The following RIMS1 variants were observed in gnomAD, a reference collection of about 807,000 sequenced individuals.
RIMS1 encodes the protein regulating synaptic membrane exocytosis 1.
RIMS1 carries 83 observed loss-of-function variants against 214.1 expected under a neutral mutation model. The ratio of observed to expected loss-of-function variants is 0.39; its 90% CI spans 0.32 to 0.47. The LOEUF is 0.47. Ranked by LOEUF, RIMS1 falls within the 20% of genes least tolerant of loss-of-function variation. The pLI, the probability that RIMS1 is intolerant of heterozygous loss-of-function variation, is 0.99. For synonymous variants in RIMS1, 793 were observed against 786.8 expected, an observed-to-expected ratio of 1.01 and a Z score of -0.13; for missense variants, 2,050 against 2,161.8, an observed-to-expected ratio of 0.95 and a Z score of 1.03.
At chr6:72,308,267 T>C (rs1224133782) in intron 27 of RIMS1, among the ~76,000 whole-genome samples, 2 of 152,100 alleles carry the variant, frequency 1.3e-5, no homozygotes, top group Non-Finnish European at 2.9e-5. Context: ...TGCTAATATC[T>C]GATAATTTTA....
At chr6:72,067,765 A>G (rs775615383) in intron 2 of RIMS1, among the ~76,000 whole-genome samples, 1 of 152,242 alleles carries the variant, frequency 6.6e-6, no homozygotes, top group Admixed American at 6.5e-5. Context: ...ATCACTTAAC[A>G]TATATTGCCT....
intron 6 of RIMS1, among the ~76,000 whole-genome samples, chr6:72,190,075 C>G (rs1399257389): frequency 6.6e-6 from 1 of 152,176 alleles, no homozygotes; most frequent in Non-Finnish European, 1.5e-5. Flanking sequence ...GGCCATTTCT[C>G]CTTCATGCAA....
intron 6 of RIMS1, among the ~76,000 whole-genome samples, chr6:72,186,059 C>G (rs1483150124): frequency 6.6e-6 from 1 of 152,216 alleles, no homozygotes. Context: ...ATATAACATA[C>G]AACATTTGTG....
intron 2 of RIMS1, among the ~76,000 whole-genome samples, chr6:72,054,381 A>G (rs1825573542): frequency 6.6e-6 from 1 of 152,152 alleles, no homozygotes; most frequent in Non-Finnish European, 1.5e-5. Context: ...GTGCTGCAAT[A>G]AACATATGTG....
intron 2 of RIMS1, among the ~76,000 whole-genome samples, chr6:72,043,030 C>T (rs1204140347): frequency 2.6e-5 from 4 of 151,700 alleles, no homozygotes; most frequent in East Asian, 1.9e-4. Context: ...AAAATGAATT[C>T]CAACTTCTAC....
intron 24 of RIMS1, among the ~76,000 whole-genome samples, 198 bp downstream of exon 24, chr6:72,284,316 A>G (rs983906432): frequency 3.9e-5 from 6 of 152,220 alleles, no homozygotes; most frequent in African/African-American, 1.4e-4. Flanking sequence ...CGGTTCTTAA[A>G]TCTTAGGGTT....
intron 2 of RIMS1, among the ~76,000 whole-genome samples, chr6:71,999,904 G>A (rs187689232): frequency 6.6e-6 from 1 of 152,140 alleles, no homozygotes; most frequent in Admixed American, 6.6e-5. Context: ...TCATTGTACT[G>A]TTCTGAAGAA....
chr6:72,029,204 T>G (rs1302237586), intron 2 of RIMS1, among the ~76,000 whole-genome samples: 2 of 152,172 alleles, frequency 1.3e-5, no homozygotes, highest in African/African-American at 2.4e-5. Context: ...ATAAAACTAT[T>G]GAGGTTTTTG....
At chr6:72,011,736 C>T (rs1408947635) in intron 2 of RIMS1, among the ~76,000 whole-genome samples, 1 of 152,136 alleles carries the variant, frequency 6.6e-6, no homozygotes, top group Non-Finnish European at 1.5e-5. Context: ...AAAATGCTCA[C>T]CATCACTGAC....
intron 1 of RIMS1, among the ~76,000 whole-genome samples, chr6:71,933,519 C>A (rs977994602): frequency 6.6e-6 from 1 of 152,120 alleles, no homozygotes; most frequent in Admixed American, 6.5e-5. Flanking sequence ...ATTTGACCAT[C>A]TGCATTACAC....
chr6:72,134,469 G>C (rs2040947761), intron 4 of RIMS1, among the ~76,000 whole-genome samples: 1 of 151,862 alleles, frequency 6.6e-6, no homozygotes, highest in African/African-American at 2.4e-5. Flanking sequence ...TTACTGTTCA[G>C]GAAAATAACA....
intron 1 of RIMS1, among the ~76,000 whole-genome samples, chr6:71,930,002 A>T (rs565342839): frequency 6.6e-4 from 101 of 152,248 alleles, no homozygotes; most frequent in Non-Finnish European, 1.2e-3. Context: ...GATGACAAGT[A>T]TTGCCAGATT....
intron 2 of RIMS1, among the ~76,000 whole-genome samples, chr6:72,065,073 T>C (rs976315857): frequency 1.3e-5 from 2 of 152,224 alleles, no homozygotes; most frequent in Non-Finnish European, 2.9e-5. Context: ...TATGGTGATA[T>C]GATTAGTTAT....
intron 29 of RIMS1, among the ~76,000 whole-genome samples, chr6:72,346,807 G>A (rs1485806721): frequency 6.6e-6 from 1 of 151,734 alleles, no homozygotes; most frequent in Non-Finnish European, 1.5e-5. Flanking sequence ...TTGAAATACA[G>A]CCATCTTCAT....
intron 22 of RIMS1, among the ~76,000 whole-genome samples, chr6:72,270,045 T>G (rs559332775): frequency 2.6e-5 from 4 of 152,274 alleles, no homozygotes; most frequent in Admixed American, 2.6e-4. Context: ...TTAAAATACA[T>G]TGTATTTTAT....
intron 1 of RIMS1, among the ~76,000 whole-genome samples, chr6:71,906,495 G>A (rs1301947877): frequency 6.6e-6 from 1 of 152,110 alleles, no homozygotes; most frequent in Non-Finnish European, 1.5e-5. Flanking sequence ...AGGTTACACA[G>A]CACAAGTAGT....
intron 29 of RIMS1, among the ~76,000 whole-genome samples, chr6:72,377,588 G>A (rs1346220572): frequency 6.6e-6 from 1 of 152,112 alleles, no homozygotes; most frequent in Admixed American, 6.5e-5. Flanking sequence ...CCCAAGCAGA[G>A]GTTTGAAGGC....
intron 2 of RIMS1, among the ~76,000 whole-genome samples, chr6:72,010,417 C>A (rs1229927232): frequency 1.3e-5 from 2 of 152,244 alleles, no homozygotes; most frequent in East Asian, 3.9e-4. Flanking sequence ...TGAAAACTGG[C>A]ACAAGACAGG....
intron 2 of RIMS1, among the ~76,000 whole-genome samples, chr6:72,048,180 T>C (rs1823600798): frequency 6.6e-6 from 1 of 152,172 alleles, no homozygotes; most frequent in Non-Finnish European, 1.5e-5. Flanking sequence ...AATCTTCATG[T>C]GGCAAATATA....
Sources: gnomAD v4.1 joint callset for allele counts (sites outside exome capture counted in the v4.1 genomes callset) on GRCh38, gnomAD v4.1.1 for gene constraint, MANE v1.5 for transcripts, NCBI Gene and HGNC (gene_info 2026-07-23, HGNC 2026-07-21) for gene names.